Variants in MYLK observed in about 807,000 individuals in gnomAD.
MYLK encodes the protein myosin light chain kinase.
MYLK carries 106 observed loss-of-function variants against 203.4 expected under a neutral mutation model. That is an observed-to-expected ratio of 0.52 (90% CI 0.45 to 0.61). The LOEUF is 0.61. Among genes scored for constraint, MYLK ranks in the 20% least tolerant of loss-of-function variants. The pLI, the probability that MYLK is intolerant of heterozygous loss-of-function variation, is 0.00. For synonymous variants in MYLK, 867 were observed against 959.5 expected, an observed-to-expected ratio of 0.90 and a Z score of 1.78; for missense variants, 2,072 against 2,442.3, an observed-to-expected ratio of 0.85 and a Z score of 3.20.
At chr3:123,844,770 G>GTGTGT (rs2066671776) in intron 2 of MYLK, among the ~76,000 whole-genome samples, 1 of 150,108 alleles carries the variant, frequency 6.7e-6, no homozygotes. Context: ...GATAACTCCA[G>GTGTGT]CTCCAGTGTG....
intron 9 of MYLK, 196 bp downstream of exon 9, chr3:123,735,202 C>A: frequency 1.4e-6 from 1 of 724,648 alleles, no homozygotes; most frequent in Admixed American, 2.1e-5. Context: ...TCAATACTGA[C>A]AGCAACCTGA....
At chr3:123,653,123 A>C (rs1460519171) in intron 24 of MYLK, among the ~76,000 whole-genome samples, 1 of 152,136 alleles carries the variant, frequency 6.6e-6, no homozygotes, top group African/African-American at 2.4e-5. Flanking sequence ...AGCCAACATT[A>C]GCCGGGCTTC....
rs114408592 is a variant in MYLK, at chr3:123,800,377, C to T, written c.-3-6533G>A. Among the ~76,000 whole-genome samples the T allele has an allele frequency of 5.5e-3, 839 of 152,222 alleles. 4 individuals are homozygous for T. Among genetic ancestry groups the T allele is most frequent in the Non-Finnish European group, 8.9e-3 (607 of 68,006 alleles). On this transcript the variant is annotated intron_variant, in intron 3 of 33. Transcript: ENST00000360304. The stretch of plus-strand genomic sequence containing the variant: ...ACCCAGGGATCATAAGATATTTCCT[C>T]CTGAGACCCAGCTCTTTCTTCCCTA...
At chr3:123,708,075 G>A in intron 15 of MYLK, 72 bp from the exon 16 acceptor site, 1 of 1,596,230 alleles carries the variant, frequency 6.3e-7, no homozygotes, top group Non-Finnish European at 8.5e-7. Context: ...ATTCTCCATG[G>A]AGGTGAAGGA....
intron 19 of MYLK, among the ~76,000 whole-genome samples, chr3:123,687,885 T>C (rs2060519830): frequency 6.6e-6 from 1 of 152,168 alleles, no homozygotes; most frequent in Non-Finnish European, 1.5e-5. Flanking sequence ...TAGCCCAGGC[T>C]GATATTGAAC....
In MYLK at chr3:123,733,949, G is replaced by A. The variant is rs763185132; in HGVS notation, c.1047C>T (p.Ala349=). Residue 349 remains alanine (A), a synonymous_variant, in exon 10 of 34, where the codon GCC becomes GCT. Transcript: ENST00000360304. Reference sequence around the variant, plus strand: ...CTCTTGGTTCCGGCTGAACTCTTGCGGCCTGCAGGGTGATGGAGCTGGAAG... The same window carrying A: ...CTCTTGGTTCCGGCTGAACTCTTGCAGCCTGCAGGGTGATGGAGCTGGAAG... ...QKTSSSITLQ[A]ARVQPEPRAP... The A allele has an allele frequency of 1.4e-5, 23 of 1,614,166 alleles. No individual in the cohort carries two copies. Among genetic ancestry groups the A allele is most frequent in the South Asian group, 6.6e-5 (6 of 91,068 alleles).
intron 2 of MYLK, among the ~76,000 whole-genome samples, chr3:123,863,771 G>A (rs1011473379): frequency 6.6e-6 from 1 of 152,218 alleles, no homozygotes; most frequent in African/African-American, 2.4e-5. Context: ...GTGTATAAAT[G>A]TGGAAACAGA....
chr3:123,707,264 C>T (rs3180218), intron 16 of MYLK, among the ~76,000 whole-genome samples: 1 of 152,228 alleles, frequency 6.6e-6, no homozygotes, highest in Non-Finnish European at 1.5e-5. Flanking sequence ...AGCAGATCCT[C>T]CAGTGTCCGT....
At chr3:123,729,874 C>A (rs1439514651) in intron 11 of MYLK, among the ~76,000 whole-genome samples, 5 of 149,784 alleles carry the variant, frequency 3.3e-5, no homozygotes, top group Non-Finnish European at 7.4e-5. Flanking sequence ...AGAGTGAGAC[C>A]CTGTTTCAAA....
chr3:123,847,993 T>C (rs1222586578), intron 2 of MYLK, among the ~76,000 whole-genome samples: 3 of 152,062 alleles, frequency 2.0e-5, no homozygotes, highest in African/African-American at 4.8e-5. Context: ...CAAAAAACCA[T>C]TTAAGCCTTA....
intron 2 of MYLK, among the ~76,000 whole-genome samples, chr3:123,865,591 A>T (rs1205360861): frequency 6.6e-6 from 1 of 152,146 alleles, no homozygotes; most frequent in East Asian, 1.9e-4. Context: ...AACATGGCAG[A>T]CTCTGTCCTG....
At chr3:123,675,268 T>A (rs181919352) in intron 20 of MYLK, among the ~76,000 whole-genome samples, 29 of 152,320 alleles carry the variant, frequency 1.9e-4, no homozygotes, top group Admixed American at 5.2e-4. Context: ...AATCAAAGCA[T>A]TGGATCTGGA....
At chr3:123,835,557 T>C (rs1159617687) in intron 2 of MYLK, among the ~76,000 whole-genome samples, 1 of 152,234 alleles carries the variant, frequency 6.6e-6, no homozygotes, top group Non-Finnish European at 1.5e-5. Flanking sequence ...ATTTAACTTG[T>C]ATTCCTGTTT....
chr3:123,812,265 G>A (rs539997599), intron 3 of MYLK, among the ~76,000 whole-genome samples: 1 of 152,270 alleles, frequency 6.6e-6, no homozygotes, highest in Non-Finnish European at 1.5e-5. Context: ...GACAGCACCT[G>A]TTCCTTGTGA....
chr3:123,747,309 C>CCT (rs779551619), intron 5 of MYLK, among the ~76,000 whole-genome samples: 1 of 152,020 alleles, frequency 6.6e-6, no homozygotes, highest in Non-Finnish European at 1.5e-5. Context: ...GCTGGCTGGC[C>CCT]CTCTCTCTCT....
chr3:123,734,294 C>T, intron 9 of MYLK, 72 bp from the exon 10 acceptor site: 1 of 1,388,082 alleles, frequency 7.2e-7, no homozygotes, highest in South Asian at 1.5e-5. Context: ...TGGTTACTCA[C>T]AAATATTACT....
chr3:123,786,215 G>A (rs2064516043), intron 4 of MYLK, among the ~76,000 whole-genome samples: 1 of 151,466 alleles, frequency 6.6e-6, no homozygotes, highest in Admixed American at 6.6e-5. Context: ...AGGCAGGAGT[G>A]TCGCTCGAAC....
chr3:123,647,578 C>A, intron 26 of MYLK, 151 bp from the exon 27 acceptor site: 1 of 722,890 alleles, frequency 1.4e-6, no homozygotes, highest in Non-Finnish European at 2.4e-6. Context: ...TGGCTGTTTG[C>A]ATGTTGTCTA....
intron 24 of MYLK, among the ~76,000 whole-genome samples, chr3:123,650,883 C>T (rs1319724627): frequency 6.6e-6 from 1 of 152,162 alleles, no homozygotes; most frequent in Admixed American, 6.5e-5. Flanking sequence ...ATAGTTAATA[C>T]CCAAGACAGA....
Sources: gnomAD v4.1 joint callset for allele counts (sites outside exome capture counted in the v4.1 genomes callset) on GRCh38, gnomAD v4.1.1 for gene constraint, MANE v1.5 for transcripts, NCBI Gene and HGNC (gene_info 2026-07-23, HGNC 2026-07-21) for gene names.